Variants in RYR3 observed in about 807,000 individuals in gnomAD.
RYR3 encodes the protein brain ryanodine receptor-calcium release channel.
A neutral mutation model predicts 584.3 loss-of-function variants in RYR3; 207 were observed. The observed-to-expected ratio is 0.35, with a 90% CI of 0.32 to 0.40. RYR3 has a LOEUF of 0.40. Ranked by LOEUF, RYR3 falls within the 10% of genes least tolerant of loss-of-function variation. The pLI, the probability that RYR3 is intolerant of heterozygous loss-of-function variation, is 1.00. For synonymous variants in RYR3, 2,416 were observed against 2,248.5 expected (o/e 1.07, Z -2.11); for missense variants, 5,616 against 6,089.2 (o/e 0.92, Z 2.59).
intron 94 of RYR3, chr15:33,850,087 C>A (rs1304921943): frequency 6.6e-6 from 1 of 152,060 alleles, no homozygotes; most frequent in Non-Finnish European, 1.5e-5. Context: ...AGTAAGAAGG[C>A]AGTTCAATTT....
At position 33,750,331 on chromosome 15, in the gene RYR3, C is replaced by T. The variant is rs182621974; in HGVS notation, c.8399+45C>T. On this transcript the variant is annotated intron_variant, in intron 57 of 103. Transcript: ENST00000634891. ...ATGCTAGTGGGACAGGGCTGTGCCT[C>T]CCTAGATATTTAATTACGTGCCTAC... 573 of 1,588,466 alleles carry T rather than the reference C, an allele frequency of 3.6e-4. 3 individuals carry two copies. In the African/African-American group the frequency reaches 6.9e-3, roughly 19 times the overall value.
chr15:33,371,128 C>T (rs556291786), intron 1 of RYR3, among the ~76,000 whole-genome samples: 2 of 152,260 alleles, frequency 1.3e-5, no homozygotes, highest in South Asian at 4.2e-4. Context: ...TCATGTAAAC[C>T]TGGTAACAGC....
At chr15:33,756,703 G>A (rs2071873172) in intron 59 of RYR3, among the ~76,000 whole-genome samples, 1 of 152,104 alleles carries the variant, frequency 6.6e-6, no homozygotes, top group South Asian at 2.1e-4. Flanking sequence ...AAGGCAAGCT[G>A]TTGCTTTTTA....
At chr15:33,656,319 T>G (rs2062821283) in intron 32 of RYR3, among the ~76,000 whole-genome samples, 1 of 152,208 alleles carries the variant, frequency 6.6e-6, no homozygotes, top group Non-Finnish European at 1.5e-5. Flanking sequence ...GCGCAATCCA[T>G]GGGCATGTAA....
chr15:33,830,438 T>G (rs1279323407), intron 85 of RYR3, among the ~76,000 whole-genome samples: 1 of 152,242 alleles, frequency 6.6e-6, no homozygotes, highest in Non-Finnish European at 1.5e-5. Context: ...ATAATGCTAT[T>G]GCACACTTAA....
chr15:33,331,050 G>T (rs1192184013), intron 1 of RYR3, among the ~76,000 whole-genome samples: 6 of 152,078 alleles, frequency 3.9e-5, no homozygotes, highest in African/African-American at 1.4e-4. Flanking sequence ...TTGTTTGGTT[G>T]GTTGGTTGGT....
rs768167812 is a variant in RYR3, at chr15:33,663,723, C to T, written c.5605C>T (p.Pro1869Ser). 6.2e-7 allele frequency: 1 copy of T among 1,606,722 alleles called. No homozygotes were observed. Among genetic ancestry groups the T allele is most frequent in the African/African-American group, 1.3e-5 (1 of 74,744 alleles). Residue 1869 changes from proline (P) to serine (S), a missense_variant, in exon 36 of 104, where the codon CCC (proline) becomes TCC (serine). Pro to Ser is a moderately conservative substitution (Grantham distance 74). Transcript: ENST00000634891. ...TARKTKEFRSPPQEQINMLLN... is the reference protein window; with the variant it reads ...TARKTKEFRSSPQEQINMLLN... ...CCGGAAGACCAAGGAGTTCCGCTCA[C>T]CCCCACAGGAGCAGGTGAGGGTCCT... is the stretch of plus-strand genomic sequence containing the variant.
chr15:33,816,252 C>T (rs1360097016), intron 74 of RYR3, among the ~76,000 whole-genome samples: 1 of 152,220 alleles, frequency 6.6e-6, no homozygotes, highest in African/African-American at 2.4e-5. Context: ...GGGAGTGGCT[C>T]ATGCCAGTTA....
At chr15:33,857,272 G>T (rs1019634292) in intron 98 of RYR3, among the ~76,000 whole-genome samples, 2 of 151,178 alleles carry the variant, frequency 1.3e-5, no homozygotes, top group African/African-American at 4.9e-5. Flanking sequence ...GGTCTCCTCA[G>T]GGGCCTCTCT....
rs557394782 is a variant in RYR3, at chr15:33,728,845, T to C, written c.7034-12T>C. The C allele has an allele frequency of 1.3e-5, 21 of 1,606,416 alleles. No homozygotes were observed. The African/African-American group carries it at 1.3e-4, about 10-fold the overall frequency. ...AGGAAAAGGGAAATTACATTTTCTA[T>C]GTGTCTTTCAGATGGGTCGGTCAGT... is the stretch of plus-strand genomic sequence containing the variant. On this transcript the variant is annotated splice_polypyrimidine_tract_variant and intron_variant, in intron 46 of 103. Transcript: ENST00000634891.
intron 1 of RYR3, among the ~76,000 whole-genome samples, chr15:33,381,001 G>A (rs1231006572): frequency 6.6e-6 from 1 of 152,164 alleles, no homozygotes; most frequent in Non-Finnish European, 1.5e-5. Context: ...CACCTCGAAG[G>A]ATCAATAATC....
chr15:33,517,193 C>T (rs898118074), intron 3 of RYR3, among the ~76,000 whole-genome samples: 1 of 152,158 alleles, frequency 6.6e-6, no homozygotes, highest in Non-Finnish European at 1.5e-5. Flanking sequence ...TGAGGTTTCA[C>T]CGTGTTGGCC....
At chr15:33,726,318 TGGAGGTGGGGTGGAG>T in intron 45 of RYR3, 53 bp from the exon 46 acceptor site, 1 of 1,586,944 alleles carries the variant, frequency 6.3e-7, no homozygotes, top group South Asian at 1.1e-5. Context: ...GCCAGAGGTT[TGGAGGTGGGGTGGAG>T]GGAGGTGTGG....
intron 1 of RYR3, among the ~76,000 whole-genome samples, chr15:33,343,856 A>G (rs1256905632): frequency 2.6e-5 from 4 of 152,190 alleles, no homozygotes; most frequent in African/African-American, 9.7e-5. Context: ...AGCTTGAGAA[A>G]GATGTCTTGG....
chr15:33,578,411 G>A (rs1425165283), intron 12 of RYR3, among the ~76,000 whole-genome samples: 1 of 152,136 alleles, frequency 6.6e-6, no homozygotes, highest in East Asian at 1.9e-4. Flanking sequence ...TATACACCAT[G>A]GAATACTATG....
intron 49 of RYR3, among the ~76,000 whole-genome samples, chr15:33,738,175 G>C (rs59589655): frequency 0.08 from 12,219 of 152,046 alleles, 1,671 homozygotes; most frequent in African/African-American, 0.28. Context: ...AACTAGAAAC[G>C]GCTCCTCTCC....
intron 51 of RYR3, among the ~76,000 whole-genome samples, chr15:33,740,361 A>C (rs902724992): frequency 6.6e-6 from 1 of 152,196 alleles, no homozygotes; most frequent in Non-Finnish European, 1.5e-5. Flanking sequence ...TATGGTTCTA[A>C]TAGCATCATA....
intron 16 of RYR3, among the ~76,000 whole-genome samples, chr15:33,596,756 T>C (rs1316917860): frequency 1.3e-5 from 2 of 152,164 alleles, no homozygotes; most frequent in Non-Finnish European, 2.9e-5. Context: ...AGTTTGCCAT[T>C]CCTTTCAATG....
intron 1 of RYR3, among the ~76,000 whole-genome samples, chr15:33,314,041 A>C (rs1429905718): frequency 6.6e-6 from 1 of 152,210 alleles, no homozygotes; most frequent in East Asian, 1.9e-4. Flanking sequence ...CCTCTGATAC[A>C]TTTGGAAGCC....
Sources: gnomAD v4.1 joint callset for allele counts (sites outside exome capture counted in the v4.1 genomes callset) on GRCh38, gnomAD v4.1.1 for gene constraint, MANE v1.5 for transcripts, NCBI Gene and HGNC (gene_info 2026-07-23, HGNC 2026-07-21) for gene names.